The following RPRD2 variants were observed in gnomAD, a reference collection of about 807,000 sequenced individuals.
The protein encoded by RPRD2 is regulation of nuclear pre-mRNA domain containing 2.
Under a neutral mutation model 104.4 loss-of-function variants are expected in RPRD2, and 12 were observed. The observed-to-expected ratio is 0.11, with a 90% confidence interval of 0.07 to 0.19. The LOEUF is 0.19. Among genes scored for constraint, RPRD2 ranks in the 10% least tolerant of loss-of-function variants. The pLI is 1.00. For synonymous variants in RPRD2, 714 were observed against 684.9 expected, an observed-to-expected ratio of 1.04 and a Z score of -0.66; for missense variants, 1,543 against 1,790.1, an observed-to-expected ratio of 0.86 and a Z score of 2.49.
Position 150,472,548 on chromosome 1 carries a change from A to T in RPRD2, c.3600A>T (p.Glu1200Asp). The part of the protein sequence containing the change: ...FEHHLPPSPL[E>D]HGTPFQREPV... ...ATCATCTTCCCCCATCCCCCTTGGA[A>T]CATGGGACACCCTTCCAGAGAGAGC... Residue 1200 changes from glutamate to aspartate, a missense_variant, in exon 11 of 11, where the codon GAA becomes GAT. By Grantham distance (45) the Glu-to-Asp change is conservative. Coordinates refer to ENST00000369068, the MANE Select transcript of RPRD2 (RefSeq NM_015203.5). 6.2e-7 allele frequency: 1 copy of T among 1,613,964 alleles called. No homozygotes were observed. Among genetic ancestry groups the T allele is most frequent in the Non-Finnish European group, 8.5e-7 (1 of 1,179,854 alleles).
At chr1:150,394,554 T>A (rs2102191600) in intron 1 of RPRD2, among the ~76,000 whole-genome samples, 1 of 152,308 alleles carries the variant, frequency 6.6e-6, no homozygotes, top group South Asian at 2.1e-4. Flanking sequence ...AATATAGGAA[T>A]GTTTACTGAA....
chr1:150,377,964 A>G (rs1660848172), intron 1 of RPRD2, among the ~76,000 whole-genome samples: 1 of 152,192 alleles, frequency 6.6e-6, no homozygotes, highest in Admixed American at 6.5e-5. Context: ...AGGAAAAGGA[A>G]ACGTGCCTGG....
intron 1 of RPRD2, among the ~76,000 whole-genome samples, chr1:150,411,368 AG>A (rs1355790789): frequency 6.8e-6 from 1 of 147,064 alleles, no homozygotes; most frequent in Non-Finnish European, 1.5e-5. Context: ...AGCTGAAGCA[AG>A]AGAATTGCTT....
chr1:150,404,140 C>T (rs1317577546), intron 1 of RPRD2, among the ~76,000 whole-genome samples: 1 of 152,128 alleles, frequency 6.6e-6, no homozygotes, highest in Admixed American at 6.6e-5. Flanking sequence ...AGCAGCCACA[C>T]TTGTGTGATT....
intron 5 of RPRD2, among the ~76,000 whole-genome samples, chr1:150,443,517 T>C (rs1666543283): frequency 1.3e-5 from 2 of 152,226 alleles, no homozygotes. Context: ...CTGAGTTGCA[T>C]ATTCAATTTA....
chr1:150,374,318 C>G (rs587725987), intron 1 of RPRD2, among the ~76,000 whole-genome samples: 7 of 152,336 alleles, frequency 4.6e-5, no homozygotes, highest in Admixed American at 3.9e-4. Flanking sequence ...AAGCTCTGCA[C>G]TCTTAGCCCT....
intron 7 of RPRD2, among the ~76,000 whole-genome samples, chr1:150,452,626 T>C (rs1158566785): frequency 1.3e-5 from 2 of 151,676 alleles, no homozygotes; most frequent in East Asian, 1.9e-4. Context: ...TTTTGGTCAA[T>C]GTGAGCTCCT....
At chr1:150,376,949 G>A (rs1182102253) in intron 1 of RPRD2, among the ~76,000 whole-genome samples, 3 of 151,224 alleles carry the variant, frequency 2.0e-5, no homozygotes, top group Non-Finnish European at 4.4e-5. Context: ...TGTGGCTCAC[G>A]CCTGTAATCC....
chr1:150,466,193 A>G (rs1452710330), intron 10 of RPRD2, among the ~76,000 whole-genome samples: 1 of 151,742 alleles, frequency 6.6e-6, no homozygotes, highest in African/African-American at 2.4e-5. Flanking sequence ...CCTGGCTAAC[A>G]CAGTGAAACC....
intron 2 of RPRD2, among the ~76,000 whole-genome samples, chr1:150,425,424 A>G (rs587773686): frequency 0.011 from 1,737 of 152,216 alleles, 14 homozygotes; most frequent in Non-Finnish European, 0.018. Flanking sequence ...CAGGTGGATC[A>G]CCTGAGGTCA....
chr1:150,367,778 A>G (rs1659954662), intron 1 of RPRD2, among the ~76,000 whole-genome samples: 1 of 150,806 alleles, frequency 6.6e-6, no homozygotes, highest in Non-Finnish European at 1.5e-5. Context: ...ACTGGAGTGC[A>G]GTGGCGCGAT....
chr1:150,462,277 G>A (rs1245793677), intron 9 of RPRD2, among the ~76,000 whole-genome samples: 5 of 151,462 alleles, frequency 3.3e-5, no homozygotes, highest in Middle Eastern at 3.4e-3. Context: ...GCAAGACTCC[G>A]TCTCAAAAAA....
At chr1:150,452,686 T>TTG (rs1667270384) in intron 7 of RPRD2, among the ~76,000 whole-genome samples, 1 of 140,810 alleles carries the variant, frequency 7.1e-6, no homozygotes, top group Non-Finnish European at 1.5e-5. Context: ...TTTTTTTTTT[T>TTG]GAGACGAACT....
intron 1 of RPRD2, among the ~76,000 whole-genome samples, chr1:150,411,998 C>T (rs991593799): frequency 2.6e-5 from 4 of 151,842 alleles, no homozygotes; most frequent in Non-Finnish European, 4.4e-5. Context: ...TGGCAAGCGC[C>T]TGTAATCCCA....
At chr1:150,387,550 C>A (rs1047235418) in intron 1 of RPRD2, among the ~76,000 whole-genome samples, 4 of 122,968 alleles carry the variant, frequency 3.3e-5, no homozygotes, top group Non-Finnish European at 6.4e-5. Flanking sequence ...CTAAATCTTA[C>A]AGAAGTTGCA....
At chr1:150,422,379 A>T (rs1664829488) in intron 2 of RPRD2, among the ~76,000 whole-genome samples, 1 of 64,174 alleles carries the variant, frequency 1.6e-5, no homozygotes, top group East Asian at 2.7e-4. Flanking sequence ...AATAAAATTA[A>T]AATAAAAAAA....
chr1:150,380,219 G>A (rs1234430713), intron 1 of RPRD2, among the ~76,000 whole-genome samples: 1 of 152,066 alleles, frequency 6.6e-6, no homozygotes, highest in African/African-American at 2.4e-5. Flanking sequence ...CATTTTCTCA[G>A]AATAAAGGAT....
chr1:150,448,405 G>C (rs1666938118), intron 7 of RPRD2, among the ~76,000 whole-genome samples: 1 of 152,050 alleles, frequency 6.6e-6, no homozygotes, highest in East Asian at 1.9e-4. Flanking sequence ...CTGGCCTCAA[G>C]TGATCCACCC....
Position 150,364,882 on chromosome 1 carries a change from T to G in RPRD2, c.168T>G (p.Ser56Arg). The change falls in exon 1 of 11, where the codon AGT (serine) becomes AGG (arginine). Residue 56 changes from serine to arginine, a missense_variant. By Grantham distance (110) the Ser-to-Arg change is moderately radical. Around this residue, in one of 4 missense-constraint regions of RPRD2, gnomAD observed 88 missense variants for 96.6 expected, o/e 0.91. Coordinates refer to ENST00000369068, the MANE Select transcript of RPRD2 (RefSeq NM_015203.5). ...SWCIENKKHH[S>R]TIVYHWMKWL... is the part of the protein sequence containing the mutation. ...GTATAGAGAACAAAAAACACCACAG[T>G]ACTATCGTCTATCATTGGATGAAGT... 6.2e-7 allele frequency: 1 copy of G among 1,613,976 alleles called. No individual in the cohort carries two copies. The highest frequency in any genetic ancestry group is 8.5e-7 in the Non-Finnish European group (1 of 1,179,854).
Sources: gnomAD v4.1 joint callset for allele counts (sites outside exome capture counted in the v4.1 genomes callset) on GRCh38, gnomAD v4.1.1 for gene constraint, gnomAD v4.1.1 regional missense constraint, MANE v1.5 for transcripts, NCBI Gene and HGNC (gene_info 2026-07-23, HGNC 2026-07-21) for gene names.